Variants in ST6GALNAC3 observed in about 807,000 individuals in gnomAD.
ST6GALNAC3 encodes the protein alpha-N-acetylgalactosaminide alpha-2,6-sialyltransferase 3.
Under a neutral mutation model 32.7 loss-of-function variants are expected in ST6GALNAC3, and 25 were observed. The ratio of observed to expected loss-of-function variants is 0.76; its 90% CI spans 0.56 to 1.07. The LOEUF (loss-of-function observed/expected upper bound fraction) is 1.07, where lower values mean the gene tolerates loss of function less well. Among genes scored for constraint, ST6GALNAC3 ranks in the 50% least tolerant of loss-of-function variants. The probability of loss-of-function intolerance (pLI) is 0.00; values close to 1 mark genes in which losing one functional copy is unlikely to be tolerated. For missense variants in ST6GALNAC3, 355 were observed against 382.4 expected (o/e 0.93, Z 0.60); for synonymous variants, 129 against 133.1 (o/e 0.97, Z 0.21).
intron 3 of ST6GALNAC3, chr1:76,576,756 G>A (rs1215600316): frequency 1.9e-6 from 2 of 1,033,168 alleles, no homozygotes; most frequent in Non-Finnish European, 2.7e-6. Context: ...GTAGGTATAA[G>A]GAATGAGGGG....
chr1:76,132,137 G>A (rs563404248), intron 1 of ST6GALNAC3, among the ~76,000 whole-genome samples: 13 of 151,974 alleles, frequency 8.6e-5, no homozygotes, highest in Non-Finnish European at 1.9e-4. Context: ...CATATTTCCC[G>A]TCCACCCCCA....
chr1:76,293,692 G>A (rs901588199), intron 1 of ST6GALNAC3, among the ~76,000 whole-genome samples: 4 of 152,116 alleles, frequency 2.6e-5, no homozygotes, highest in East Asian at 1.9e-4. Context: ...TTCCTATTAC[G>A]TGAGGGTTAT....
chr1:76,368,249 G>A (rs1570986248), intron 2 of ST6GALNAC3, among the ~76,000 whole-genome samples: 2 of 152,312 alleles, frequency 1.3e-5, no homozygotes, highest in East Asian at 3.9e-4. Flanking sequence ...ATGTGGCTGT[G>A]TTTCAATCAA....
chr1:76,440,799 A>C (rs1656522109), intron 3 of ST6GALNAC3, among the ~76,000 whole-genome samples: 1 of 152,142 alleles, frequency 6.6e-6, no homozygotes, highest in African/African-American at 2.4e-5. Context: ...AGAAACAACA[A>C]CATAGAGGCT....
chr1:76,485,427 A>G (rs993985956), intron 3 of ST6GALNAC3, among the ~76,000 whole-genome samples: 3 of 152,124 alleles, frequency 2.0e-5, no homozygotes, highest in Admixed American at 1.3e-4. Flanking sequence ...TCAGGGATTC[A>G]ACTTCTTCCT....
At chr1:76,605,291 G>A (rs984112057) in intron 3 of ST6GALNAC3, among the ~76,000 whole-genome samples, 6 of 152,096 alleles carry the variant, frequency 3.9e-5, no homozygotes, top group African/African-American at 7.2e-5. Context: ...AGACAGCTAC[G>A]GAGTCTTGAC....
intron 3 of ST6GALNAC3, chr1:76,577,437 C>A: frequency 2.6e-6 from 1 of 391,772 alleles, no homozygotes; most frequent in Non-Finnish European, 3.5e-6. Context: ...CTAATTCATG[C>A]CATGCCGCTC....
chr1:76,193,690 CTG>C (rs1346443468), intron 1 of ST6GALNAC3, among the ~76,000 whole-genome samples: 1 of 152,176 alleles, frequency 6.6e-6, no homozygotes, highest in African/African-American at 2.4e-5. Flanking sequence ...TACTGATCCT[CTG>C]TCTTAGCCTG....
intron 2 of ST6GALNAC3, among the ~76,000 whole-genome samples, chr1:76,316,908 A>G (rs1466873017): frequency 2.0e-5 from 3 of 152,158 alleles, no homozygotes; most frequent in Non-Finnish European, 4.4e-5. Context: ...AAAAGAAGCA[A>G]TGGGATATTA....
intron 2 of ST6GALNAC3, among the ~76,000 whole-genome samples, chr1:76,339,362 G>A (rs1647768852): frequency 6.6e-6 from 1 of 152,112 alleles, no homozygotes; most frequent in Non-Finnish European, 1.5e-5. Flanking sequence ...GAAGGAAGGA[G>A]CCATGAGCCA....
intron 3 of ST6GALNAC3, among the ~76,000 whole-genome samples, chr1:76,516,746 T>C (rs1662196548): frequency 6.6e-6 from 1 of 152,114 alleles, no homozygotes; most frequent in African/African-American, 2.4e-5. Flanking sequence ...ACACAGCATA[T>C]GTCTCTTAGT....
chr1:76,163,467 A>T (rs10873867), intron 1 of ST6GALNAC3, among the ~76,000 whole-genome samples: 1 of 151,980 alleles, frequency 6.6e-6, no homozygotes, highest in Non-Finnish European at 1.5e-5. Context: ...ACCATTTTCT[A>T]TGTGTATAAT....
intron 2 of ST6GALNAC3, among the ~76,000 whole-genome samples, chr1:76,361,969 C>G (rs1649978991): frequency 9.5e-6 from 1 of 105,296 alleles, no homozygotes; most frequent in Admixed American, 1.1e-4. Context: ...CAGAGTGAGA[C>G]TCTGTATCAA....
chr1:76,434,017 T>C (rs1655956808), intron 3 of ST6GALNAC3, among the ~76,000 whole-genome samples: 1 of 152,208 alleles, frequency 6.6e-6, no homozygotes, highest in Non-Finnish European at 1.5e-5. Context: ...TGCATGCTCA[T>C]TTAAGTTGCA....
intron 2 of ST6GALNAC3, among the ~76,000 whole-genome samples, chr1:76,378,668 C>CCCA (rs1491210702): frequency 6.8e-6 from 1 of 147,966 alleles, no homozygotes; most frequent in Admixed American, 6.7e-5. Flanking sequence ...TTCCCCCCCC[C>CCCA]AAAAAAAAAA....
intron 3 of ST6GALNAC3, among the ~76,000 whole-genome samples, chr1:76,486,157 T>G (rs1022574891): frequency 1.3e-5 from 2 of 152,342 alleles, no homozygotes; most frequent in East Asian, 3.9e-4. Context: ...TGTGGTCAAT[T>G]TTGGAATAAG....
At chr1:76,446,827 T>C (rs1657007661) in intron 3 of ST6GALNAC3, among the ~76,000 whole-genome samples, 1 of 152,210 alleles carries the variant, frequency 6.6e-6, no homozygotes, top group Non-Finnish European at 1.5e-5. Context: ...ACCATGATTG[T>C]GAGGCCTCCC....
intron 3 of ST6GALNAC3, among the ~76,000 whole-genome samples, chr1:76,599,995 T>C (rs572022439): frequency 6.6e-6 from 1 of 152,296 alleles, no homozygotes; most frequent in East Asian, 1.9e-4. Flanking sequence ...AGATAGATGT[T>C]ACGGACTGAA....
At chr1:76,520,925 T>C (rs995078749) in intron 3 of ST6GALNAC3, among the ~76,000 whole-genome samples, 4 of 152,178 alleles carry the variant, frequency 2.6e-5, no homozygotes, top group Admixed American at 6.5e-5. Flanking sequence ...AATGTACTTA[T>C]TGATGTATTT....
Sources: gnomAD v4.1 joint callset for allele counts (sites outside exome capture counted in the v4.1 genomes callset) on GRCh38, gnomAD v4.1.1 for gene constraint, MANE v1.5 for transcripts, NCBI Gene and HGNC (gene_info 2026-07-23, HGNC 2026-07-21) for gene names.